The following SEC31A variants were observed in gnomAD, a reference collection of about 807,000 sequenced individuals.
The protein encoded by SEC31A is protein transport protein Sec31A.
Under a neutral mutation model 151.0 loss-of-function variants are expected in SEC31A, and 70 were observed. The ratio of observed to expected loss-of-function variants is 0.46; its 90% confidence interval spans 0.38 to 0.57. The LOEUF (loss-of-function observed/expected upper bound fraction) is 0.57, where lower values mean the gene tolerates loss of function less well. SEC31A is among the 20% of genes least tolerant of loss of function. The pLI, the probability that SEC31A is intolerant of heterozygous loss-of-function variation, is 0.00. For synonymous variants in SEC31A, 475 were observed against 505.9 expected, an observed-to-expected ratio of 0.94 and a Z score of 0.82; for missense variants, 1,330 against 1,471.2, an observed-to-expected ratio of 0.90 and a Z score of 1.57.
At chr4:82,888,951 T>A (rs933084536) in intron 1 of SEC31A, among the ~76,000 whole-genome samples, 1 of 152,202 alleles carries the variant, frequency 6.6e-6, no homozygotes, top group East Asian at 1.9e-4. Context: ...AAAGAGGTAA[T>A]AGAATTGGAA....
chr4:82,841,312 A>C (rs1189171102), intron 22 of SEC31A, among the ~76,000 whole-genome samples: 1 of 151,082 alleles, frequency 6.6e-6, no homozygotes, highest in Non-Finnish European at 1.5e-5. Context: ...AATCCCAACT[A>C]CTTGGGAGGC....
rs776596502 is a variant in SEC31A, at chr4:82,866,904, C to T, written c.1101G>A (p.Pro367=). 2.6e-5 allele frequency: 42 copies of T among 1,613,988 alleles called. No individual in the cohort carries two copies. Among genetic ancestry groups the T allele is most frequent in the South Asian group, 2.3e-4 (21 of 91,082 alleles). The change falls in exon 10 of 27, where the codon CCG becomes CCA. Residue 367 remains proline, a synonymous_variant. Transcript: ENST00000395310. ...DPFGTGQPLP[P]LQIPQQTAQH... is the part of the protein sequence containing the mutation. ...GAGCAGTCTGCTGTGGAATTTGTAA[C>T]GGAGGAAGGGGCTGTCCTGTGCCAA...
intron 22 of SEC31A, among the ~76,000 whole-genome samples, chr4:82,835,416 A>G (rs1349605629): frequency 1.3e-5 from 2 of 152,236 alleles, no homozygotes; most frequent in Non-Finnish European, 2.9e-5. Context: ...CTTTCAAAAA[A>G]CTATAAAGTG....
chr4:82,819,864 C>T lies in SEC31A; in HGVS notation c.3484-611G>A, dbSNP rs112830425. Among the ~76,000 whole-genome samples, 1,118 of 152,018 alleles carry T rather than the reference C, an allele frequency of 7.4e-3. 17 individuals carry two copies. The highest frequency in any genetic ancestry group is 0.01 in the Middle Eastern group (3 of 292). On this transcript the variant is annotated intron_variant, in intron 26 of 26. Coordinates refer to ENST00000395310, the MANE Select transcript of SEC31A (RefSeq NM_001077207.4). ...GCAACCTCCGCCTCCCGGGTTCAAG[C>T]GATTCTCCTGCCTCAGCCTCCTGAG...
intron 3 of SEC31A, 196 bp downstream of exon 3, chr4:82,880,603 A>G: frequency 6.5e-6 from 3 of 459,830 alleles, no homozygotes; most frequent in Non-Finnish European, 7.4e-6. Flanking sequence ...AAAAAAAAGA[A>G]AAAAAAAAGT....
At chr4:82,847,243 G>C (rs1730432411) in intron 20 of SEC31A, among the ~76,000 whole-genome samples, 1 of 152,146 alleles carries the variant, frequency 6.6e-6, no homozygotes, top group South Asian at 2.1e-4. Flanking sequence ...GGTCAAAGTG[G>C]AAGTGCAAGT....
At chr4:82,863,700 A>G (rs1217913887) in intron 11 of SEC31A, among the ~76,000 whole-genome samples, 1 of 152,138 alleles carries the variant, frequency 6.6e-6, no homozygotes, top group African/African-American at 2.4e-5. Context: ...TAATTTCTGT[A>G]AATACAAACT....
chr4:82,837,576 G>C (rs1298695330), intron 22 of SEC31A, among the ~76,000 whole-genome samples: 1 of 152,060 alleles, frequency 6.6e-6, no homozygotes, highest in East Asian at 1.9e-4. Flanking sequence ...ATAGACATGG[G>C]CTCTTGCCAT....
Position 82,870,552 on chromosome 4 carries a change from G to A in SEC31A, c.783-128C>T, listed in dbSNP as rs111952011. The A allele has an allele frequency of 7.1e-3, 5,268 of 740,478 alleles. 60 individuals are homozygous for A. Among genetic ancestry groups the A allele is most frequent in the Middle Eastern group, 0.013 (41 of 3,212 alleles). The allele number at this position is 740,478 out of a possible 1,614,324, so 45.9% of individuals were successfully genotyped here. A position where few individuals can be genotyped will look rare whatever the true frequency, so the allele number is the denominator to read the frequency against. On this transcript the variant is annotated intron_variant, in intron 7 of 26. Transcript: ENST00000395310. ...TACAATTAAATGCAAGAGTTTCAGC[G>A]CCGGGCGCATTGGCTCACACCTGTA...
intron 22 of SEC31A, among the ~76,000 whole-genome samples, chr4:82,840,915 G>C (rs1441165368): frequency 6.6e-6 from 1 of 152,112 alleles, no homozygotes; most frequent in Non-Finnish European, 1.5e-5. Context: ...TGAAGGTAAA[G>C]GCCTAGGACA....
At position 82,874,658 on chromosome 4, in the gene SEC31A, G is replaced by C; in HGVS notation, c.592C>G (p.Leu198Val). 1 of 1,612,144 alleles carries C rather than the reference G, an allele frequency of 6.2e-7. No individual in the cohort carries two copies. Among genetic ancestry groups the C allele is most frequent in the Non-Finnish European group, 8.5e-7 (1 of 1,179,658 alleles). Residue 198 changes from leucine (L) to valine (V), a missense_variant, in exon 6 of 27, where the codon CTT becomes GTT. Transcript: ENST00000395310. ...TTGATGATTGGCTCATTTTTTCTAAGATCCCATACAGTGGCCCGGCCACTG... is the reference window on the plus strand; with the variant it reads ...TTGATGATTGGCTCATTTTTTCTAACATCCCATACAGTGGCCCGGCCACTG... The part of the protein sequence containing the change: ...SPSGRATVWD[L>V]RKNEPIIKVS...
chr4:82,828,729 T>A (rs7665557), intron 23 of SEC31A, among the ~76,000 whole-genome samples: 65,924 of 146,244 alleles, frequency 0.45, 17,426 homozygotes, highest in Admixed American at 0.59. Flanking sequence ...AATTTCCTAC[T>A]TTTTGAAAGA....
chr4:82,845,447 G>C (rs899221403), intron 20 of SEC31A, among the ~76,000 whole-genome samples: 4 of 151,100 alleles, frequency 2.6e-5, no homozygotes, highest in African/African-American at 9.7e-5. Context: ...TTTCAAGGTA[G>C]CTGGAATTCC....
intron 3 of SEC31A, among the ~76,000 whole-genome samples, chr4:82,899,082 T>A (rs541754375): frequency 7.2e-5 from 11 of 152,294 alleles, no homozygotes; most frequent in African/African-American, 2.6e-4. Context: ...TCTGAAAACA[T>A]TCCAAGTGAA....
chr4:82,878,608 G>A (rs150850055), intron 4 of SEC31A, 122 bp downstream of exon 4: 14 of 736,458 alleles, frequency 1.9e-5, no homozygotes, highest in African/African-American at 7.1e-5. Context: ...ACAAACACTC[G>A]TCAACCTGTA....
chr4:82,863,231 G>A (rs1276446401), intron 12 of SEC31A, 87 bp downstream of exon 12: 2 of 772,586 alleles, frequency 2.6e-6, no homozygotes, highest in South Asian at 3.5e-5. Flanking sequence ...ATGTTTATTG[G>A]GTGATTTGAG....
chr4:82,896,343 A>T (rs1720056159), intron 3 of SEC31A, among the ~76,000 whole-genome samples: 1 of 152,076 alleles, frequency 6.6e-6, no homozygotes, highest in African/African-American at 2.4e-5. Flanking sequence ...TTGGCCTCCC[A>T]AGTAGCTGGG....
chr4:82,852,146 C>T (rs1272505002), intron 18 of SEC31A, among the ~76,000 whole-genome samples: 1 of 152,178 alleles, frequency 6.6e-6, no homozygotes, highest in East Asian at 1.9e-4. Context: ...CCTGCACATG[C>T]TCTCTTGCCT....
At chr4:82,872,666 C>T (rs949563578) in intron 6 of SEC31A, among the ~76,000 whole-genome samples, 2 of 68,234 alleles carry the variant, frequency 2.9e-5, no homozygotes, top group South Asian at 7.4e-4. Flanking sequence ...ATGAGTTTTA[C>T]TATCAAAACT....
Sources: gnomAD v4.1 joint callset for allele counts (sites outside exome capture counted in the v4.1 genomes callset) on GRCh38, gnomAD v4.1.1 for gene constraint, MANE v1.5 for transcripts, NCBI Gene and HGNC (gene_info 2026-07-23, HGNC 2026-07-21) for gene names.